The following IQANK1 variants were observed in gnomAD, a reference collection of about 807,000 sequenced individuals.
IQANK1 encodes IQ motif and ankyrin repeat containing 1, also known as IQ motif and ankyrin repeat domain-containing protein 1.
A neutral mutation model predicts 22.6 loss-of-function variants in IQANK1; 30 were observed. The observed-to-expected ratio is 1.33, with a 90% CI of 0.99 to 1.80. The LOEUF (loss-of-function observed/expected upper bound fraction) is 1.80, where lower values mean the gene tolerates loss of function less well. IQANK1 is among the 40% of genes most tolerant of loss of function. The probability of loss-of-function intolerance (pLI) is 0.00; values close to 1 mark genes in which losing one functional copy is unlikely to be tolerated. For missense variants in IQANK1, 275 were observed against 235.2 expected, an observed-to-expected ratio of 1.17 and a Z score of -1.11; for synonymous variants, 122 against 99.6, an observed-to-expected ratio of 1.23 and a Z score of -1.34.
chr8:143,770,981 G>GGGGCGA (rs1398968595), intron 3 of IQANK1, among the ~76,000 whole-genome samples: 4 of 152,348 alleles, frequency 2.6e-5, no homozygotes, highest in African/African-American at 4.8e-5. Flanking sequence ...CAGCCGCGGT[G>GGGGCGA]GGGCGAGGGC....
In IQANK1 at chr8:143,735,773, T is replaced by C. The variant is rs782408565; in HGVS notation, c.-4-77T>C. The C allele has an allele frequency of 7.5e-5, 52 of 692,064 alleles. No homozygotes were observed. Among genetic ancestry groups the C allele is most frequent in the Non-Finnish European group, 2.4e-5 (9 of 379,116 alleles). 42.9% of individuals were successfully genotyped at this position (692,064 alleles called of 1,614,324 possible). ...CCACTCAGGCGCCCATGGTGTGCCC[T>C]GTTCCCCACTGCCACTGCCCCTGCC... On this transcript the variant is annotated intron_variant, in intron 1 of 13. Transcript: ENST00000527139. This position sits in a 1 kb window ranked among gnomAD's most constrained non-coding sequence, Gnocchi z 5.2.
intron 1 of IQANK1, among the ~76,000 whole-genome samples, 161 bp downstream of exon 1, chr8:143,734,380 C>A (rs1357946230): frequency 1.3e-5 from 2 of 151,400 alleles, no homozygotes; most frequent in East Asian, 3.9e-4. Context: ...CCCCAACCCC[C>A]ACCACACACA....
intron 3 of IQANK1, among the ~76,000 whole-genome samples, chr8:143,748,765 AT>A (rs1227145485): frequency 2.9e-5 from 3 of 104,860 alleles, no homozygotes; most frequent in African/African-American, 7.7e-5. Context: ...ATAAATATAT[AT>A]AATATATAAA....
At chr8:143,738,943 G>T (rs534440594) in intron 2 of IQANK1, among the ~76,000 whole-genome samples, 1 of 152,354 alleles carries the variant, frequency 6.6e-6, no homozygotes, top group Admixed American at 6.5e-5. Flanking sequence ...AGGACCCAGG[G>T]ACCCGGTGGG....
At chr8:143,776,426 T>C (rs1819688771) in intron 7 of IQANK1, among the ~76,000 whole-genome samples, 1 of 150,380 alleles carries the variant, frequency 6.6e-6, no homozygotes, top group Admixed American at 6.6e-5. Context: ...CAAGACAGAA[T>C]ATAGGAAACA....
chr8:143,746,941 A>G (rs1819043383), intron 3 of IQANK1, among the ~76,000 whole-genome samples: 1 of 151,924 alleles, frequency 6.6e-6, no homozygotes. Context: ...GTGCAGTGGC[A>G]CTATCTCAGC....
At position 143,741,171 on chromosome 8, in the gene IQANK1, C is replaced by T. The variant is rs370301345; in HGVS notation, c.175+1223C>T. Among the ~76,000 whole-genome samples the T allele has an allele frequency of 8.9e-4, 136 of 152,320 alleles. 2 individuals are homozygous for T. The highest frequency in any genetic ancestry group is 3.1e-3 in the African/African-American group (130 of 41,574). ...CAGTGTCAGGGAAAGGCAGGGACGCCCCCATTTTGCTTTCTGTAGTTTGAG... is the reference window on the plus strand; with the variant it reads ...CAGTGTCAGGGAAAGGCAGGGACGCTCCCATTTTGCTTTCTGTAGTTTGAG... On this transcript the variant is annotated intron_variant, in intron 3 of 13. Coordinates refer to ENST00000527139, the MANE Select transcript of IQANK1 (RefSeq NM_001381874.1).
At chr8:143,755,677 T>A (rs1289387964) in intron 3 of IQANK1, among the ~76,000 whole-genome samples, 1 of 152,212 alleles carries the variant, frequency 6.6e-6, no homozygotes, top group African/African-American at 2.4e-5. Flanking sequence ...ATAAATATTT[T>A]ATAAACTCAT....
At chr8:143,748,832 CATATATAA>C (rs1344432288) in intron 3 of IQANK1, among the ~76,000 whole-genome samples, 3 of 108,534 alleles carry the variant, frequency 2.8e-5, no homozygotes, top group African/African-American at 4.0e-5. Context: ...ATATATATTT[CATATATAA>C]ATATATAAAT....
At chr8:143,746,166 A>C (rs1554627193) in intron 3 of IQANK1, 1 of 152,222 alleles carries the variant, frequency 6.6e-6, no homozygotes, top group Non-Finnish European at 1.5e-5. Flanking sequence ...TTCCTTGCCT[A>C]ACTGCTCTGT....
At chr8:143,777,358 AT>A (rs1453311490) in intron 7 of IQANK1, among the ~76,000 whole-genome samples, 1 of 151,762 alleles carries the variant, frequency 6.6e-6, no homozygotes, top group African/African-American at 2.4e-5. Context: ...TCTACTAAAA[AT>A]ACAAAAATTT....
chr8:143,770,863 G>A (rs1300395971), intron 3 of IQANK1, among the ~76,000 whole-genome samples: 1 of 152,248 alleles, frequency 6.6e-6, no homozygotes, highest in Admixed American at 6.5e-5. Flanking sequence ...AGGCTGAGTG[G>A]TGCCCGGACT....
intron 3 of IQANK1, among the ~76,000 whole-genome samples, chr8:143,749,006 A>G (rs1819120398): frequency 2.5e-5 from 3 of 119,914 alleles, no homozygotes; most frequent in Non-Finnish European, 4.7e-5. Context: ...TATCATAAAT[A>G]TATATCATAT....
intron 3 of IQANK1, chr8:143,742,923 C>CT (rs1554626797): frequency 2.2e-6 from 1 of 456,110 alleles, no homozygotes; most frequent in Non-Finnish European, 4.4e-6. Context: ...GTGCCAGAAT[C>CT]TATCTTTTGC....
chr8:143,778,723 G>A (rs1819737719), intron 7 of IQANK1, among the ~76,000 whole-genome samples: 1 of 152,134 alleles, frequency 6.6e-6, no homozygotes. Context: ...CCCCAGTATT[G>A]GTTTGCGCTT....
intron 3 of IQANK1, among the ~76,000 whole-genome samples, chr8:143,751,381 A>G (rs1477379073): frequency 1.3e-5 from 2 of 151,904 alleles, no homozygotes; most frequent in African/African-American, 4.8e-5. Context: ...GGAGGCCAAG[A>G]TCGGTGGATT....
At chr8:143,785,333 T>C (rs1554631237) in intron 7 of IQANK1, among the ~76,000 whole-genome samples, 2 of 147,004 alleles carry the variant, frequency 1.4e-5, no homozygotes, top group Non-Finnish European at 3.0e-5. Flanking sequence ...CTCAGCTCAC[T>C]GCAACCTCTG....
At chr8:143,766,366 C>T (rs1049779950) in intron 3 of IQANK1, among the ~76,000 whole-genome samples, 1 of 152,048 alleles carries the variant, frequency 6.6e-6, no homozygotes, top group Non-Finnish European at 1.5e-5. Flanking sequence ...GGTGTCTTCT[C>T]GTGAATAGAA....
chr8:143,741,147 A>G (rs968466852), intron 3 of IQANK1, among the ~76,000 whole-genome samples: 13 of 152,116 alleles, frequency 8.5e-5, no homozygotes, highest in African/African-American at 3.1e-4. Flanking sequence ...TTCTGCTCTC[A>G]GTGTCAGGGA....
Sources: gnomAD v4.1 joint callset for allele counts (sites outside exome capture counted in the v4.1 genomes callset) on GRCh38, gnomAD v4.1.1 for gene constraint, Gnocchi (gnomAD v3.1) non-coding constraint, MANE v1.5 for transcripts, NCBI Gene and HGNC (gene_info 2026-07-23, HGNC 2026-07-21) for gene names.